Variants in DYNC1LI2 observed in about 807,000 individuals in gnomAD.
DYNC1LI2 encodes dynein cytoplasmic 1 light intermediate chain 2.
In DYNC1LI2, 19 loss-of-function variants were observed where a neutral mutation model predicts 57.8. The observed-to-expected ratio is 0.33, with a 90% CI of 0.23 to 0.48. The LOEUF (loss-of-function observed/expected upper bound fraction) is 0.48, where lower values mean the gene tolerates loss of function less well. Ranked by LOEUF, DYNC1LI2 falls within the 20% of genes least tolerant of loss-of-function variation. The probability of loss-of-function intolerance (pLI) is 0.99; values close to 1 mark genes in which losing one functional copy is unlikely to be tolerated. For missense variants in DYNC1LI2, 470 were observed against 604.2 expected (o/e 0.78, Z 2.33); for synonymous variants, 256 against 233.4 (o/e 1.10, Z -0.88).
At chr16:66,727,639 C>A in intron 11 of DYNC1LI2, 49 bp downstream of exon 11, 2 of 1,597,238 alleles carry the variant, frequency 1.3e-6, no homozygotes, top group South Asian at 2.2e-5. Flanking sequence ...GGGCTCAGGT[C>A]TAAAACTAAA....
rs138998809 is a variant in DYNC1LI2, at chr16:66,734,304, G to A, written c.707C>T (p.Ala236Val). 1.1e-4 allele frequency: 182 copies of A among 1,613,928 alleles called. No homozygotes were observed. In the African/African-American group the frequency reaches 1.7e-3, roughly 15 times the overall value. Residue 236 changes from alanine to valine, a missense_variant, in exon 6 of 13, where the codon GCG (alanine) becomes GTG (valine). Physicochemically the swap from Ala to Val is moderately conservative, Grantham distance 64. Coordinates refer to ENST00000258198, the MANE Select transcript of DYNC1LI2 (RefSeq NM_006141.3). ...PVLVVCTKCD[A>V]VSVLEKEHDY... is the part of the protein sequence containing the mutation. ...GTGCTCCTTCTCCAGGACACTCACC[G>A]CATCACACTGCAGGGAAGACAGACA... is the stretch of plus-strand genomic sequence containing the variant.
chr16:66,727,577 G>T, intron 11 of DYNC1LI2, 111 bp downstream of exon 11: 3 of 980,060 alleles, frequency 3.1e-6, no homozygotes, highest in Non-Finnish European at 4.5e-6. Flanking sequence ...GAAGAGAATA[G>T]CCTGGCTTCC....
chr16:66,746,774 T>C (rs2017943038), intron 3 of DYNC1LI2, among the ~76,000 whole-genome samples: 1 of 152,190 alleles, frequency 6.6e-6, no homozygotes, highest in South Asian at 2.1e-4. Flanking sequence ...CTGTATCATT[T>C]TGTATAGGCA....
intron 8 of DYNC1LI2, 142 bp downstream of exon 8, chr16:66,729,969 TG>T: frequency 1.8e-6 from 1 of 566,352 alleles, no homozygotes; most frequent in Non-Finnish European, 3.0e-6. Flanking sequence ...TTAGTGGAGA[TG>T]GGGTTTTGCC....
At position 66,725,845 on chromosome 16, in the gene DYNC1LI2, C is replaced by T. The variant is rs1015922794; in HGVS notation, c.1361G>A (p.Ser454Asn). ...TTCTGTACCTGACTTCTTGGCTGTGCTCTGCACCCCACCAGCACCAGGACT... is the reference window on the plus strand; with the variant it reads ...TTCTGTACCTGACTTCTTGGCTGTGTTCTGCACCCCACCAGCACCAGGACT... Reference protein sequence around the residue: ...PGSPGAGGVQSTAKKSGQKTV... With the variant: ...PGSPGAGGVQNTAKKSGQKTV... The change falls in exon 12 of 13, where the codon AGC becomes AAC. Residue 454 changes from serine to asparagine, a missense_variant. Ser to Asn is a conservative substitution (Grantham distance 46). Transcript: ENST00000258198. 1.2e-6 allele frequency: 2 copies of T among 1,613,934 alleles called. No individual in the cohort carries two copies. The highest frequency in any genetic ancestry group is 1.7e-5 in the Admixed American group (1 of 59,984).
At position 66,732,676 on chromosome 16, in the gene DYNC1LI2, A is replaced by T. The variant is rs368378643; in HGVS notation, c.794-202T>A. ...TGGTAAAAATAAATAAATAAATAAA[A>T]AAGTAAAAAGGTCATAGTAGCAGAT... On this transcript the variant is annotated intron_variant, in intron 6 of 12. Coordinates refer to ENST00000258198, the MANE Select transcript of DYNC1LI2 (RefSeq NM_006141.3). 5.1e-4 allele frequency: 222 copies of T among 438,194 alleles called. 1 individual carries two copies. Among genetic ancestry groups the T allele is most frequent in the East Asian group, 4.8e-3 (133 of 27,700 alleles). 27.1% of individuals were successfully genotyped at this position (438,194 alleles called of 1,614,324 possible).
At chr16:66,724,083 C>T (rs2017496348) in intron 12 of DYNC1LI2, among the ~76,000 whole-genome samples, 1 of 152,038 alleles carries the variant, frequency 6.6e-6, no homozygotes, top group African/African-American at 2.4e-5. Flanking sequence ...TGCCTTTGTG[C>T]CAAATACAAG....
In DYNC1LI2 at chr16:66,723,778, T is replaced by A. The variant is rs1379621487; in HGVS notation, c.1423A>T (p.Met475Leu). The A allele has an allele frequency of 6.2e-7, 1 of 1,608,994 alleles. No homozygotes were observed. The highest frequency in any genetic ancestry group is 1.1e-5 in the South Asian group (1 of 89,754). ...LSNVQEELDR[M>L]TRKPDSMVTN... ...ACCATAGAGTCTGGCTTTCGAGTCA[T>A]TCTATCCAGTTCTTCCTGAACATTT... The change falls in exon 13 of 13, where the codon ATG becomes TTG. Residue 475 changes from methionine to leucine, a missense_variant. By Grantham distance (15) the Met-to-Leu change is conservative (BLOSUM62 2). Transcript: ENST00000258198.
chr16:66,725,447 G>A (rs971637916), intron 12 of DYNC1LI2, among the ~76,000 whole-genome samples: 1 of 152,156 alleles, frequency 6.6e-6, no homozygotes, highest in Non-Finnish European at 1.5e-5. Flanking sequence ...TTGCACTCCA[G>A]CCTGGGCAAC....
chr16:66,730,559 G>C (rs1161417863), intron 7 of DYNC1LI2: 1 of 184,858 alleles, frequency 5.4e-6, no homozygotes, highest in East Asian at 1.5e-4. Context: ...TGTTCCGACA[G>C]AGAATAGGAT....
At chr16:66,750,722 C>G (rs1000790497) in intron 2 of DYNC1LI2, among the ~76,000 whole-genome samples, 3 of 152,132 alleles carry the variant, frequency 2.0e-5, no homozygotes, top group African/African-American at 7.2e-5. Context: ...GTGAATGTAC[C>G]CAAACTCCCT....
chr16:66,742,204 A>T (rs2017852739), intron 4 of DYNC1LI2, among the ~76,000 whole-genome samples: 1 of 152,218 alleles, frequency 6.6e-6, no homozygotes, highest in Admixed American at 6.5e-5. Flanking sequence ...TGAAACGGAA[A>T]CCAATGAAGA....
Position 66,723,556 on chromosome 16 carries a change from G to C in DYNC1LI2, c.*166C>G. 1 of 659,966 alleles carries C rather than the reference G, an allele frequency of 1.5e-6. No homozygotes were observed. Among genetic ancestry groups the C allele is most frequent in the Non-Finnish European group, 2.6e-6 (1 of 378,150 alleles). 40.9% of individuals were successfully genotyped at this position (659,966 alleles called of 1,614,324 possible). A position where few individuals can be genotyped will look rare whatever the true frequency, so the allele number is the denominator to read the frequency against. On this transcript the variant is annotated 3_prime_UTR_variant, in exon 13 of 13. Transcript: ENST00000258198. The stretch of plus-strand genomic sequence containing the variant: ...TCTGACATGTAACCTTCCTAAATGT[G>C]CATTTCACACTCGGACAAGCCAATG...
At chr16:66,742,706 CAG>C (rs1417456876) in intron 3 of DYNC1LI2, 38 bp from the exon 4 acceptor site, 1 of 1,585,008 alleles carries the variant, frequency 6.3e-7, no homozygotes, top group African/African-American at 1.3e-5. Flanking sequence ...TACCACCTGA[CAG>C]TGACCATCAG....
At chr16:66,728,877 A>G (rs1375626461) in intron 9 of DYNC1LI2, among the ~76,000 whole-genome samples, 163 bp downstream of exon 9, 1 of 152,174 alleles carries the variant, frequency 6.6e-6, no homozygotes, top group Non-Finnish European at 1.5e-5. Flanking sequence ...TCCATCCCCA[A>G]CTAATCCTAG....
At chr16:66,734,992 C>T (rs1357538403) in intron 5 of DYNC1LI2, among the ~76,000 whole-genome samples, 3 of 75,408 alleles carry the variant, frequency 4.0e-5, no homozygotes, top group Admixed American at 1.8e-4. Flanking sequence ...AGTGAAACTC[C>T]GTCTCAAAAA....
intron 4 of DYNC1LI2, among the ~76,000 whole-genome samples, chr16:66,741,238 G>A (rs886229832): frequency 2.6e-5 from 4 of 152,194 alleles, no homozygotes; most frequent in African/African-American, 9.6e-5. Flanking sequence ...GTACAAAGCT[G>A]TCTGTGCAGT....
chr16:66,750,272 G>A (rs1162402700), intron 2 of DYNC1LI2, among the ~76,000 whole-genome samples: 1 of 152,278 alleles, frequency 6.6e-6, no homozygotes, highest in East Asian at 1.9e-4. Flanking sequence ...CCTGAGAAAG[G>A]TCACACATTC....
Position 66,736,264 on chromosome 16 carries a change from A to C in DYNC1LI2, c.530-20T>G. The C allele has an allele frequency of 1.1e-5, 17 of 1,608,126 alleles. No homozygotes were observed. The highest frequency in any genetic ancestry group is 1.4e-5 in the Non-Finnish European group (16 of 1,175,816). On this transcript the variant is annotated intron_variant, in intron 4 of 12. Coordinates refer to ENST00000258198, the MANE Select transcript of DYNC1LI2 (RefSeq NM_006141.3). Reference sequence around the variant, plus strand: ...TCACAACTGGGGGAAAAAGAGGAAAAAAAATCACATGCACATAAATAAAAA... The same window carrying C: ...TCACAACTGGGGGAAAAAGAGGAAACAAAATCACATGCACATAAATAAAAA...
Sources: allele counts gnomAD v4.1 joint callset (sites outside exome capture counted in the v4.1 genomes callset), GRCh38; gene constraint gnomAD v4.1.1; transcripts MANE v1.5; gene names NCBI Gene and HGNC (gene_info 2026-07-23, HGNC 2026-07-21).